Variants in MOGAT1 observed in about 807,000 individuals in gnomAD.
MOGAT1 encodes 2-acylglycerol O-acyltransferase 1.
In MOGAT1, 32 loss-of-function variants were observed where a neutral mutation model predicts 31.4. The ratio of observed to expected loss-of-function variants is 1.02; its 90% CI spans 0.77 to 1.37. The LOEUF is 1.37. Ranked by LOEUF, MOGAT1 falls within the 40% of genes most tolerant of loss-of-function variation. The pLI is 0.00. For synonymous variants in MOGAT1, 145 were observed against 144.5 expected (o/e 1.00, Z -0.03); for missense variants, 426 against 402.0 (o/e 1.06, Z -0.51).
intron 1 of MOGAT1, among the ~76,000 whole-genome samples, chr2:222,673,346 A>AAAAAG (rs1553561040): frequency 6.6e-6 from 1 of 151,126 alleles, no homozygotes; most frequent in African/African-American, 2.4e-5. Flanking sequence ...AAAAAAAAAA[A>AAAAAG]TGTAATTCAA....
intron 1 of MOGAT1, among the ~76,000 whole-genome samples, chr2:222,685,584 G>A (rs1199527479): frequency 1.4e-5 from 2 of 142,150 alleles, no homozygotes; most frequent in African/African-American, 5.2e-5. Flanking sequence ...TTTTTATAGT[G>A]TTTTCTTCTT....
intron 1 of MOGAT1, 130 bp downstream of exon 1, chr2:222,672,009 AGGGCATTT>A: frequency 2.8e-6 from 2 of 714,114 alleles, no homozygotes; most frequent in Non-Finnish European, 4.8e-6. Context: ...CAGGTCAAAG[AGGGCATTT>A]GGAGCTAACG....
intron 3 of MOGAT1, among the ~76,000 whole-genome samples, chr2:222,691,203 T>A (rs897916283): frequency 1.4e-4 from 22 of 151,818 alleles, no homozygotes; most frequent in African/African-American, 4.8e-4. Context: ...TTTTTTATTT[T>A]ATTTTATTTT....
At chr2:222,687,568 A>G (rs1188280381) in intron 1 of MOGAT1, among the ~76,000 whole-genome samples, 1 of 152,220 alleles carries the variant, frequency 6.6e-6, no homozygotes, top group Admixed American at 6.5e-5. Context: ...CATTCTTGTC[A>G]CTACAACCCA....
chr2:222,706,936 G>C (rs569893321), intron 5 of MOGAT1, among the ~76,000 whole-genome samples: 4 of 152,176 alleles, frequency 2.6e-5, no homozygotes, highest in East Asian at 3.9e-4. Context: ...GGCTCACGCC[G>C]ACCTAGCACT....
At position 222,709,813 on chromosome 2, in the gene MOGAT1, G is replaced by A; in HGVS notation, c.931G>A (p.Glu311Lys). The change falls in exon 6 of 6, where the codon GAG (glutamate) becomes AAG (lysine). Residue 311 changes from glutamate to lysine, a missense_variant. Glu to Lys is a moderately conservative substitution (Grantham distance 56). Transcript: ENST00000446656. ...TGAGGAGTTACATCAGACCTATATG[G>A]AGGAACTTAGGAAATTGTTTGAGGA... ...QIEELHQTYM[E>K]ELRKLFEEHK... 6.2e-7 allele frequency: 1 copy of A among 1,613,576 alleles called. No individual in the cohort carries two copies. The highest frequency in any genetic ancestry group is 8.5e-7 in the Non-Finnish European group (1 of 1,179,646).
intron 5 of MOGAT1, among the ~76,000 whole-genome samples, chr2:222,695,560 A>G (rs1041127906): frequency 5.9e-5 from 9 of 152,238 alleles, no homozygotes; most frequent in Admixed American, 1.3e-4. Flanking sequence ...ATACTCTATA[A>G]TGAATCTATT....
intron 5 of MOGAT1, chr2:222,699,120 T>C (rs7604614): frequency 0.4 from 61,158 of 151,272 alleles, 12,860 homozygotes; most frequent in African/African-American, 0.5. Context: ...TCTCCTGCCT[T>C]AGGCTCCCAA....
Position 222,708,875 on chromosome 2 carries a change from T to C in MOGAT1, c.854-861T>C, listed in dbSNP as rs372645866. Among the ~76,000 whole-genome samples the C allele has an allele frequency of 2.3e-4, 35 of 152,380 alleles. No homozygotes were observed. In the South Asian group the frequency reaches 6.8e-3, roughly 30 times the overall value. ...GTTTAAAAATTTCTGCCTAGGATTCTATTGAATGACTATTACATGGTTTAT... is the reference window on the plus strand; with the variant it reads ...GTTTAAAAATTTCTGCCTAGGATTCCATTGAATGACTATTACATGGTTTAT... On this transcript the variant is annotated intron_variant, in intron 5 of 5. Coordinates refer to ENST00000446656, the MANE Select transcript of MOGAT1 (RefSeq NM_058165.3).
chr2:222,671,742 G>A lies in MOGAT1; in HGVS notation c.-44G>A. 4 of 1,471,372 alleles carry A rather than the reference G, an allele frequency of 2.7e-6. No homozygotes were observed. Among genetic ancestry groups the A allele is most frequent in the Middle Eastern group, 1.9e-4 (1 of 5,390 alleles). The allele number at this position is 1,471,372 out of a possible 1,614,324, so 91.1% of individuals were successfully genotyped here. A position where few individuals can be genotyped will look rare whatever the true frequency, so the allele number is the denominator to read the frequency against. ...CCCACAGGCGCCGCAGAGCAGCGTG[G>A]GTGCAGGCTGCAGTGGCTGGCGCCG... is the stretch of plus-strand genomic sequence containing the variant. On this transcript the variant is annotated 5_prime_UTR_variant, in exon 1 of 6. Transcript: ENST00000446656.
intron 5 of MOGAT1, among the ~76,000 whole-genome samples, chr2:222,701,450 A>G (rs1370930417): frequency 1.3e-5 from 2 of 150,420 alleles, no homozygotes; most frequent in African/African-American, 4.9e-5. Context: ...AGAGAAAGGA[A>G]GGAAGGAAGG....
intron 1 of MOGAT1, among the ~76,000 whole-genome samples, chr2:222,686,590 T>C (rs746821538): frequency 1.3e-5 from 2 of 152,078 alleles, no homozygotes; most frequent in Non-Finnish European, 2.9e-5. Flanking sequence ...ATGATCCTGG[T>C]AGGAATGAGG....
At chr2:222,689,229 T>A in intron 2 of MOGAT1, 36 bp from the exon 3 acceptor site, 1 of 1,503,876 alleles carries the variant, frequency 6.6e-7, no homozygotes, top group Admixed American at 2.3e-5. Context: ...AAGGGAAGTT[T>A]CTTTTTTTTA....
intron 1 of MOGAT1, among the ~76,000 whole-genome samples, chr2:222,687,292 G>A (rs995435490): frequency 6.6e-6 from 1 of 152,058 alleles, no homozygotes; most frequent in African/African-American, 2.4e-5. Flanking sequence ...CTTTAACAAA[G>A]TTGATTGGCA....
Position 222,695,164 on chromosome 2 carries a change from G to A in MOGAT1, c.729G>A (p.Trp243Ter), listed in dbSNP as rs1330725507. Residue 243 changes from tryptophan (W) to a stop codon, truncating the protein, a stop_gained, in exon 5 of 6, where the codon TGG becomes TGA. Transcript: ENST00000446656. LOFTEE classifies it high-confidence loss of function. ...FKQTDNPEGS[W>*]IRTVQNKLQK... The stretch of plus-strand genomic sequence containing the variant: ...AAACTGACAACCCTGAAGGATCATG[G>A]ATTAGAACTGTTCAGAATAAACTGC... 4.3e-6 allele frequency: 7 copies of A among 1,613,596 alleles called. No homozygotes were observed. The highest frequency in any genetic ancestry group is 5.9e-6 in the Non-Finnish European group (7 of 1,179,744).
chr2:222,677,653 T>G, intron 1 of MOGAT1: 1 of 363,108 alleles, frequency 2.8e-6, no homozygotes, highest in Non-Finnish European at 5.5e-6. Flanking sequence ...TGGAGGCTGA[T>G]AGCTAAAACT....
At chr2:222,683,040 C>CA (rs1302211788) in intron 1 of MOGAT1, among the ~76,000 whole-genome samples, 5 of 151,908 alleles carry the variant, frequency 3.3e-5, no homozygotes, top group African/African-American at 1.2e-4. Flanking sequence ...CCTATCTTTA[C>CA]AAAAACTACA....
intron 1 of MOGAT1, 124 bp from the exon 2 acceptor site, chr2:222,688,220 A>G: frequency 3.0e-6 from 2 of 656,756 alleles, no homozygotes; most frequent in South Asian, 5.3e-5. Flanking sequence ...GTCTTGTTAT[A>G]TTACCTTACC....
chr2:222,698,375 A>G (rs557870487), intron 5 of MOGAT1, among the ~76,000 whole-genome samples: 20 of 152,356 alleles, frequency 1.3e-4, no homozygotes, highest in Admixed American at 1.2e-3. Context: ...CCAAGAAGGT[A>G]GACAACATTA....
Sources: gnomAD v4.1 joint callset for allele counts (sites outside exome capture counted in the v4.1 genomes callset) on GRCh38, gnomAD v4.1.1 for gene constraint, MANE v1.5 for transcripts, NCBI Gene and HGNC (gene_info 2026-07-23, HGNC 2026-07-21) for gene names.